Variants in MEOX2 observed in about 807,000 individuals in gnomAD.
The protein encoded by MEOX2 is mesenchyme homeobox 2.
In MEOX2, 11 loss-of-function variants were observed where a neutral mutation model predicts 27.0. The ratio of observed to expected loss-of-function variants is 0.41; its 90% CI spans 0.26 to 0.68. The LOEUF (loss-of-function observed/expected upper bound fraction) is 0.68. MEOX2 is among the 30% of genes least tolerant of loss of function. The pLI is 0.33. For synonymous variants in MEOX2, 189 were observed against 155.4 expected (o/e 1.22, Z -1.61); for missense variants, 436 against 385.4 (o/e 1.13, Z -1.10).
chr7:15,625,326 A>G (rs1781286399), intron 2 of MEOX2, among the ~76,000 whole-genome samples: 1 of 152,182 alleles, frequency 6.6e-6, no homozygotes. Context: ...TGTTGAACCC[A>G]TAGAGGGAAT....
Position 15,686,228 on chromosome 7 carries a change from T to C in MEOX2, c.175A>G (p.Met59Val). The C allele has an allele frequency of 6.2e-7, 1 of 1,611,948 alleles. No individual in the cohort carries two copies. ...CCCCTGTGATGCTGGCTGGCAAACATGCCCTCTTCGTTGGGGTATCCCGCG... is the reference window on the plus strand; with the variant it reads ...CCCCTGTGATGCTGGCTGGCAAACACGCCCTCTTCGTTGGGGTATCCCGCG... ...IIAGYPNEEG[M>V]FASQHHRGHH... The change falls in exon 1 of 3, where the codon ATG (methionine) becomes GTG (valine). Residue 59 changes from methionine to valine, a missense_variant. By Grantham distance (21) the Met-to-Val change is conservative. Transcript: ENST00000262041.
chr7:15,623,192 T>C (rs1020267109), intron 2 of MEOX2, among the ~76,000 whole-genome samples: 1 of 152,092 alleles, frequency 6.6e-6, no homozygotes, highest in African/African-American at 2.4e-5. Context: ...CTCCAGAAAA[T>C]AAACTGAAAA....
intron 2 of MEOX2, among the ~76,000 whole-genome samples, chr7:15,625,976 C>A (rs754333252): frequency 6.6e-6 from 1 of 152,128 alleles, no homozygotes; most frequent in South Asian, 2.1e-4. Context: ...GACACCGATA[C>A]AATTTCAAAA....
chr7:15,646,696 T>C (rs1330963453), intron 1 of MEOX2, among the ~76,000 whole-genome samples: 2 of 152,026 alleles, frequency 1.3e-5, no homozygotes, highest in African/African-American at 4.8e-5. Context: ...GTAATTACAT[T>C]TAATCACATA....
chr7:15,645,715 A>G (rs1781635609), intron 1 of MEOX2, among the ~76,000 whole-genome samples: 1 of 152,170 alleles, frequency 6.6e-6, no homozygotes, highest in South Asian at 2.1e-4. Context: ...CTGTCATGCT[A>G]TTTTTAAGTA....
At chr7:15,634,640 G>T (rs1781454469) in intron 1 of MEOX2, among the ~76,000 whole-genome samples, 1 of 151,922 alleles carries the variant, frequency 6.6e-6, no homozygotes, top group African/African-American at 2.4e-5. Context: ...TTTGGATGAA[G>T]ACATCAATAA....
intron 1 of MEOX2, among the ~76,000 whole-genome samples, chr7:15,645,944 A>T (rs1198416519): frequency 6.6e-6 from 1 of 152,148 alleles, no homozygotes; most frequent in East Asian, 1.9e-4. Flanking sequence ...TCTTCTCTTT[A>T]AGTACAGGAT....
At chr7:15,617,333 G>A (rs1286559265) in intron 2 of MEOX2, among the ~76,000 whole-genome samples, 1 of 151,926 alleles carries the variant, frequency 6.6e-6, no homozygotes, top group Non-Finnish European at 1.5e-5. Context: ...GTGAAAACAT[G>A]CAAAGGATAA....
At chr7:15,635,258 A>G (rs1157730162) in intron 1 of MEOX2, among the ~76,000 whole-genome samples, 1 of 152,002 alleles carries the variant, frequency 6.6e-6, no homozygotes, top group Non-Finnish European at 1.5e-5. Flanking sequence ...AGAAACCAAC[A>G]GGAATACATT....
intron 1 of MEOX2, among the ~76,000 whole-genome samples, chr7:15,671,437 C>A (rs1229348214): frequency 6.6e-6 from 1 of 152,148 alleles, no homozygotes; most frequent in African/African-American, 2.4e-5. Flanking sequence ...TACTTCCTTA[C>A]AGAAATAAAT....
chr7:15,633,164 TC>T (rs2115365109), intron 1 of MEOX2, among the ~76,000 whole-genome samples: 2 of 152,000 alleles, frequency 1.3e-5, no homozygotes, highest in East Asian at 3.9e-4. Context: ...CAATTCTTGT[TC>T]TAGTTTATTC....
At chr7:15,614,250 A>G (rs1781086254) in intron 2 of MEOX2, among the ~76,000 whole-genome samples, 2 of 70,450 alleles carry the variant, frequency 2.8e-5, no homozygotes, top group Admixed American at 1.6e-4. Flanking sequence ...AAAATAAAAT[A>G]AAATAAAATA....
rs139854597 is a variant in MEOX2, at chr7:15,673,344, G to A, written c.517+12542C>T. ...TGTAGGGAGGTAGTGATCTTAAAAG[G>A]TGTAACCATCCACATTTTAATGAAA... On this transcript the variant is annotated intron_variant, in intron 1 of 2. Coordinates refer to ENST00000262041, the MANE Select transcript of MEOX2 (RefSeq NM_005924.5). Among the ~76,000 whole-genome samples, 29 of 151,826 alleles carry A rather than the reference G, an allele frequency of 1.9e-4. No homozygotes were observed. The East Asian group carries it at 5.4e-3, about 29-fold the overall frequency.
rs1781629757 is a variant in MEOX2, at chr7:15,645,610, T to C, written c.518-18692A>G. On this transcript the variant is annotated intron_variant, in intron 1 of 2. Coordinates refer to ENST00000262041, the MANE Select transcript of MEOX2 (RefSeq NM_005924.5). ...TTAAAGCAAACAGAAATGTAAAGAA[T>C]TGGTTGGTAAAAAACACCCTTGGTA... is the stretch of plus-strand genomic sequence containing the variant. 5.3e-5 allele frequency among the ~76,000 whole-genome samples: 8 copies of C among 152,240 alleles called. No individual in the cohort carries two copies. The South Asian group carries it at 1.4e-3, about 28-fold the overall frequency.
chr7:15,613,502 A>C (rs1781067478), intron 2 of MEOX2, among the ~76,000 whole-genome samples: 1 of 151,840 alleles, frequency 6.6e-6, no homozygotes. Flanking sequence ...TTCACATTGC[A>C]TTTCTCATAA....
intron 2 of MEOX2, among the ~76,000 whole-genome samples, chr7:15,621,069 C>T (rs1341902903): frequency 2.6e-5 from 4 of 152,080 alleles, no homozygotes; most frequent in South Asian, 2.1e-4. Context: ...GAGAAAAAAA[C>T]GCCAGAATAA....
chr7:15,634,878 C>T (rs1781458016), intron 1 of MEOX2, among the ~76,000 whole-genome samples: 2 of 151,934 alleles, frequency 1.3e-5, no homozygotes, highest in Admixed American at 6.6e-5. Flanking sequence ...GGATTATCCA[C>T]ATGGAACAGT....
At chr7:15,632,589 A>G (rs780090938) in intron 1 of MEOX2, among the ~76,000 whole-genome samples, 1 of 151,908 alleles carries the variant, frequency 6.6e-6, no homozygotes, top group Non-Finnish European at 1.5e-5. Flanking sequence ...TAACAAAAAC[A>G]AAGTATTTTT....
intron 2 of MEOX2, among the ~76,000 whole-genome samples, chr7:15,619,101 T>A (rs751922941): frequency 7.2e-5 from 11 of 152,026 alleles, no homozygotes; most frequent in Admixed American, 2.6e-4. Flanking sequence ...TATTATTGTA[T>A]AGATGTCACA....
Sources: allele counts gnomAD v4.1 joint callset (sites outside exome capture counted in the v4.1 genomes callset), GRCh38; gene constraint gnomAD v4.1.1; transcripts MANE v1.5; gene names NCBI Gene and HGNC (gene_info 2026-07-23, HGNC 2026-07-21).